HMCN2: variants seen among roughly 807,000 people sequenced by gnomAD.
HMCN2 encodes the protein hemicentin 2.
Under a neutral mutation model 377.5 loss-of-function variants are expected in HMCN2, and 325 were observed. The ratio of observed to expected loss-of-function variants is 0.86; its 90% CI spans 0.79 to 0.94. The LOEUF is 0.94. Ranked by LOEUF, HMCN2 falls within the 40% of genes least tolerant of loss-of-function variation. The pLI, the probability that HMCN2 is intolerant of heterozygous loss-of-function variation, is 0.00. For missense variants in HMCN2, 4,543 were observed against 4,725.3 expected, an observed-to-expected ratio of 0.96 and a Z score of 1.13; for synonymous variants, 2,007 against 2,046.8, an observed-to-expected ratio of 0.98 and a Z score of 0.53.
intron 7 of HMCN2, among the ~76,000 whole-genome samples, chr9:130,298,572 T>A (rs1395868870): frequency 3.3e-5 from 5 of 152,178 alleles, no homozygotes; most frequent in Non-Finnish European, 5.9e-5. Context: ...GTGTGAAAAG[T>A]ACCACATTTC....
intron 32 of HMCN2, 137 bp from the exon 33 acceptor site, chr9:130,355,609 T>C (rs1407984728): frequency 2.2e-6 from 1 of 464,224 alleles, no homozygotes; most frequent in African/African-American, 2.0e-5. Context: ...GAAGGCCTCC[T>C]GGAGGAAGGG....
At chr9:130,386,162 G>A (rs1466686011) in intron 60 of HMCN2, among the ~76,000 whole-genome samples, 1 of 152,138 alleles carries the variant, frequency 6.6e-6, no homozygotes, top group African/African-American at 2.4e-5. Context: ...TCCATTCCTG[G>A]CCAGGCTCCA....
At position 130,295,688 on chromosome 9, in the gene HMCN2, G is replaced by T. The variant is rs1190287929; in HGVS notation, c.807G>T (p.Glu269Asp). 4 of 471,014 alleles carry T rather than the reference G, an allele frequency of 8.5e-6. No individual in the cohort carries two copies. Among genetic ancestry groups the T allele is most frequent in the Non-Finnish European group, 1.8e-5 (4 of 227,012 alleles). The allele number at this position is 471,014 out of a possible 1,614,324, so 29.2% of individuals were successfully genotyped here. ...DPLGRILQED[E>D]GLNVLLNIPD... ...CAGGGAGGATCCTGCAGGAGGACGA[G>T]GGCCTCAACGTGCTTCTCAACATCC... Residue 269 changes from glutamate (E) to aspartate (D), a missense_variant, in exon 6 of 98, where the codon GAG (glutamate) becomes GAT (aspartate). Glu to Asp is a conservative substitution (Grantham distance 45). Coordinates refer to ENST00000683500, the MANE Select transcript of HMCN2 (RefSeq NM_001291815.2).
rs1219270680 is a variant in HMCN2, at chr9:130,394,497, G to A, written c.10614G>A (p.Trp3538Ter). The stretch of plus-strand genomic sequence containing the variant: ...GCACCCCCCAGCCCAACATCACCTG[G>A]CATAAGGACGGGCAGGCCCTGACCA... ...AQGTPQPNIT[W>*]HKDGQALTRL... Residue 3538 changes from tryptophan to a stop codon, truncating the protein, a stop_gained, in exon 69 of 98, where the codon TGG becomes TGA. Transcript: ENST00000683500. LOFTEE classifies it high-confidence loss of function. The surrounding 1 kb of genome is among the most constrained non-coding windows in gnomAD (Gnocchi z 5.1). 7.8e-7 allele frequency: 1 copy of A among 1,289,854 alleles called. No individual in the cohort carries two copies. Among genetic ancestry groups the A allele is most frequent in the Non-Finnish European group, 1.0e-6 (1 of 988,874 alleles). 79.9% of individuals were successfully genotyped at this position (1,289,854 alleles called of 1,614,324 possible).
chr9:130,385,485 G>C (rs1841972567), intron 59 of HMCN2, 75 bp from the exon 60 acceptor site: 5 of 1,111,800 alleles, frequency 4.5e-6, no homozygotes, highest in African/African-American at 3.2e-5. Context: ...GTTTCCACTG[G>C]CATTTTCCCT....
chr9:130,347,806 A>G lies in HMCN2; in HGVS notation c.4024+446A>G, dbSNP rs1054428776. ...TGAGGCAGGAGAATTGCTTGAGCCC[A>G]GGAGATCGAGACCAGTTTGGGAGAG... On this transcript the variant is annotated intron_variant, in intron 26 of 97. Transcript: ENST00000683500. The surrounding 1 kb of genome is among the most constrained non-coding windows in gnomAD (Gnocchi z 5.1). Among the ~76,000 whole-genome samples, 3 of 152,176 alleles carry G rather than the reference A, an allele frequency of 2.0e-5. No homozygotes were observed. Among genetic ancestry groups the G allele is most frequent in the Non-Finnish European group, 2.9e-5 (2 of 68,026 alleles).
chr9:130,425,351 A>G (rs183058606), intron 89 of HMCN2, among the ~76,000 whole-genome samples: 5 of 152,238 alleles, frequency 3.3e-5, no homozygotes, highest in Admixed American at 2.6e-4. Context: ...TTCAGATCAG[A>G]GTATTCTTGT....
At chr9:130,283,381 C>T (rs868962155) in intron 1 of HMCN2, among the ~76,000 whole-genome samples, 6 of 152,278 alleles carry the variant, frequency 3.9e-5, no homozygotes, top group South Asian at 4.1e-4. Flanking sequence ...TAAACAGCCC[C>T]GTCATTCTCG....
chr9:130,384,117 C>T (rs142463028), intron 57 of HMCN2, among the ~76,000 whole-genome samples: 1 of 152,210 alleles, frequency 6.6e-6, no homozygotes, highest in Non-Finnish European at 1.5e-5. Flanking sequence ...GTCATGGGCT[C>T]AAACCTGAAT....
At chr9:130,427,670 C>G (rs977674223) in intron 92 of HMCN2, 51 bp downstream of exon 92, 4 of 1,519,860 alleles carry the variant, frequency 2.6e-6, no homozygotes, top group African/African-American at 1.4e-5. Flanking sequence ...AGACCTGACC[C>G]AGGTGTGCAG....
At chr9:130,323,780 G>A (rs1837975015) in intron 19 of HMCN2, among the ~76,000 whole-genome samples, 2 of 151,870 alleles carry the variant, frequency 1.3e-5, no homozygotes, top group African/African-American at 4.8e-5. Context: ...TTGGCTCACT[G>A]CCACCTCCAC....
intron 60 of HMCN2, among the ~76,000 whole-genome samples, chr9:130,386,104 A>G (rs1415876714): frequency 6.6e-6 from 1 of 151,968 alleles, no homozygotes; most frequent in Non-Finnish European, 1.5e-5. Flanking sequence ...GGAGTGGATT[A>G]GATGCTCACA....
At chr9:130,382,456 G>A (rs1027017960) in intron 55 of HMCN2, among the ~76,000 whole-genome samples, 159 bp downstream of exon 55, 1 of 152,194 alleles carries the variant, frequency 6.6e-6, no homozygotes, top group Admixed American at 6.5e-5. Flanking sequence ...AGGACTGGGC[G>A]CAGGTTCCAA....
chr9:130,431,859 G>T (rs1844778946), intron 96 of HMCN2, among the ~76,000 whole-genome samples: 1 of 152,230 alleles, frequency 6.6e-6, no homozygotes, highest in Non-Finnish European at 1.5e-5. Flanking sequence ...TGTGGAGGTT[G>T]AGCACAGAGC....
chr9:130,296,866 G>C (rs187823027), intron 7 of HMCN2, 72 bp downstream of exon 7: 54 of 457,534 alleles, frequency 1.2e-4, no homozygotes, highest in East Asian at 5.7e-4. Context: ...TGGGAAGTAG[G>C]GGGGAGGTGT....
chr9:130,330,202 C>T (rs922094676), intron 22 of HMCN2, among the ~76,000 whole-genome samples: 26 of 152,222 alleles, frequency 1.7e-4, no homozygotes, highest in Admixed American at 5.9e-4. Flanking sequence ...CAGCCCTCCA[C>T]GCCCCTCTCC....
Position 130,385,651 on chromosome 9 carries a change from T to G in HMCN2, c.9198T>G (p.Asp3066Glu). Residue 3066 changes from aspartate (D) to glutamate (E), a missense_variant, in exon 60 of 98, where the codon GAT (aspartate) becomes GAG (glutamate). This residue lies in a region of HMCN2 where 736 missense variants were observed against 773.2 expected (regional missense o/e 0.95). Transcript: ENST00000683500. ...GDKAVLSCET[D>E]ALPEPTVTWY... ...AAGCTGTCCTGAGCTGCGAGACAGATGCGCTCCCTGAGCCAACTGTGACCT... is the reference window on the plus strand; with the variant it reads ...AAGCTGTCCTGAGCTGCGAGACAGAGGCGCTCCCTGAGCCAACTGTGACCT... 5 of 1,304,152 alleles carry G rather than the reference T, an allele frequency of 3.8e-6. No homozygotes were observed. The highest frequency in any genetic ancestry group is 5.1e-6 in the Non-Finnish European group (5 of 988,894). 80.8% of individuals were successfully genotyped at this position (1,304,152 alleles called of 1,614,324 possible). A position where few individuals can be genotyped will look rare whatever the true frequency, so the allele number is the denominator to read the frequency against.
chr9:130,393,970 CG>C lies in HMCN2; in HGVS notation c.10468del (p.Glu3490LysfsTer8), dbSNP rs1352253968. 5.5e-6 allele frequency: 7 copies of C among 1,279,552 alleles called. No homozygotes were observed. The highest frequency in any genetic ancestry group is 6.1e-6 in the Non-Finnish European group (6 of 984,622). The allele number at this position is 1,279,552 out of a possible 1,614,324, so 79.3% of individuals were successfully genotyped here. A position where few individuals can be genotyped will look rare whatever the true frequency, so the allele number is the denominator to read the frequency against. ...TACTCCTGTGTGGCCGTGAGCGAGG[CG>C]GGGGAAGCCAGGAGGCATTTCCAGC... The part of the protein sequence containing the change: ...GTYSCVAVSE[A>X]GEARRHFQLT... On this transcript the variant is annotated frameshift_variant, in exon 68 of 98. Transcript: ENST00000683500. LOFTEE classifies it high-confidence loss of function. The surrounding 1 kb of genome is among the most constrained non-coding windows in gnomAD (Gnocchi z 5.2).
intron 19 of HMCN2, among the ~76,000 whole-genome samples, chr9:130,324,453 G>A (rs1229594990): frequency 1.3e-5 from 2 of 152,068 alleles, no homozygotes; most frequent in Admixed American, 6.6e-5. Context: ...CTCCCGCCAC[G>A]CGCAGCCTTC....
Sources: allele counts gnomAD v4.1 joint callset (sites outside exome capture counted in the v4.1 genomes callset), GRCh38; gene constraint gnomAD v4.1.1; regional missense constraint gnomAD v4.1.1; non-coding constraint Gnocchi (gnomAD v3.1); transcripts MANE v1.5; gene names NCBI Gene and HGNC (gene_info 2026-07-23, HGNC 2026-07-21).